PTPRN2: variants seen among roughly 807,000 people sequenced by gnomAD.
The protein encoded by PTPRN2 is receptor-type tyrosine-protein phosphatase N2.
Under a neutral mutation model 118.8 loss-of-function variants are expected in PTPRN2, and 74 were observed. The ratio of observed to expected loss-of-function variants is 0.62; its 90% CI spans 0.52 to 0.76. PTPRN2 has a LOEUF of 0.76. Ranked by LOEUF, PTPRN2 falls within the 30% of genes least tolerant of loss-of-function variation. The probability of loss-of-function intolerance (pLI) is 0.00; values close to 1 mark genes in which losing one functional copy is unlikely to be tolerated. For missense variants in PTPRN2, 1,481 were observed against 1,394.4 expected, an observed-to-expected ratio of 1.06 and a Z score of -0.99; for synonymous variants, 641 against 608.0, an observed-to-expected ratio of 1.05 and a Z score of -0.80.
chr7:157,771,624 C>T (rs1031675570), intron 12 of PTPRN2, among the ~76,000 whole-genome samples: 2 of 152,186 alleles, frequency 1.3e-5, no homozygotes, highest in African/African-American at 2.4e-5. Flanking sequence ...AATGTGCTGG[C>T]AAAGCAGTGC....
At chr7:158,214,516 C>T (rs577476448) in intron 3 of PTPRN2, among the ~76,000 whole-genome samples, 6 of 152,020 alleles carry the variant, frequency 3.9e-5, no homozygotes, top group South Asian at 2.1e-4. Context: ...AACAGCTCTA[C>T]CCCAGCAAAA....
At chr7:158,218,763 A>G (rs1480127384) in intron 3 of PTPRN2, among the ~76,000 whole-genome samples, 2 of 152,210 alleles carry the variant, frequency 1.3e-5, no homozygotes, top group African/African-American at 4.8e-5. Flanking sequence ...GTGGAAAACA[A>G]CAAAGAGCAG....
chr7:157,724,291 CTG>C (rs1254613034), intron 12 of PTPRN2, among the ~76,000 whole-genome samples: 6 of 152,226 alleles, frequency 3.9e-5, no homozygotes, highest in Admixed American at 1.3e-4. Context: ...CAGCCTGAAA[CTG>C]TTCATTTTCT....
intron 10 of PTPRN2, among the ~76,000 whole-genome samples, chr7:158,110,255 A>G (rs1408468610): frequency 6.6e-6 from 1 of 152,214 alleles, no homozygotes; most frequent in Non-Finnish European, 1.5e-5. Flanking sequence ...ATATGCACGC[A>G]TGGTTCCTCA....
At chr7:158,548,444 C>T (rs1237005363) in intron 1 of PTPRN2, among the ~76,000 whole-genome samples, 1 of 152,194 alleles carries the variant, frequency 6.6e-6, no homozygotes, top group Non-Finnish European at 1.5e-5. Context: ...CACAAGGGTG[C>T]ACATGGGCTC....
intron 12 of PTPRN2, among the ~76,000 whole-genome samples, chr7:157,830,964 T>C (rs1807525303): frequency 6.6e-6 from 1 of 152,198 alleles, no homozygotes; most frequent in Non-Finnish European, 1.5e-5. Context: ...AGTTTTGTGA[T>C]GTCTGCAGCA....
chr7:157,678,747 G>C (rs538655802), intron 13 of PTPRN2, among the ~76,000 whole-genome samples: 52 of 152,210 alleles, frequency 3.4e-4, no homozygotes, highest in Admixed American at 9.2e-4. Flanking sequence ...AAACCTGCTG[G>C]GTATTGTGAA....
intron 10 of PTPRN2, among the ~76,000 whole-genome samples, chr7:158,108,299 C>G (rs189542075): frequency 2.0e-5 from 3 of 152,032 alleles, no homozygotes; most frequent in Admixed American, 1.3e-4. Context: ...CCACCACACC[C>G]GCCTTGCACC....
chr7:158,054,025 T>TGCAGAGATCCTAGAGATGGAGAGACC (rs1809577763), intron 11 of PTPRN2, among the ~76,000 whole-genome samples: 2 of 89,214 alleles, frequency 2.2e-5, no homozygotes, highest in African/African-American at 1.2e-4. Context: ...ACGCAGAGAC[T>TGCAGAGATCCTAGAGATGGAGAGACC]CCAGAGATGC....
intron 12 of PTPRN2, among the ~76,000 whole-genome samples, chr7:157,819,827 C>T (rs947746992): frequency 1.3e-5 from 2 of 151,178 alleles, no homozygotes; most frequent in African/African-American, 4.9e-5. Context: ...CTCACACATG[C>T]GATCACACTG....
intron 3 of PTPRN2, among the ~76,000 whole-genome samples, chr7:158,312,770 T>G (rs915729675): frequency 1.5e-4 from 18 of 122,510 alleles, no homozygotes; most frequent in Non-Finnish European, 1.8e-4. Flanking sequence ...CATGTGTAGA[T>G]ACCCACACAC....
At chr7:158,430,365 C>T (rs540685344) in intron 2 of PTPRN2, among the ~76,000 whole-genome samples, 3 of 152,342 alleles carry the variant, frequency 2.0e-5, no homozygotes, top group Middle Eastern at 3.4e-3. Flanking sequence ...GGCCTGTAGA[C>T]CCGGAAGTCG....
intron 1 of PTPRN2, among the ~76,000 whole-genome samples, chr7:158,523,642 G>A (rs951696106): frequency 3.4e-4 from 41 of 122,088 alleles, no homozygotes; most frequent in Middle Eastern, 5.3e-3. Context: ...GCCCTGGAGC[G>A]GAGTCTGCCC....
chr7:158,455,817 A>G (rs1384870352), intron 2 of PTPRN2, among the ~76,000 whole-genome samples: 1 of 149,552 alleles, frequency 6.7e-6, no homozygotes, highest in Non-Finnish European at 1.5e-5. Context: ...AACGGCACAG[A>G]TGCCATCGGC....
In PTPRN2 at chr7:158,484,713, G is replaced by A. The variant is rs377457397; in HGVS notation, c.163+5022C>T. Among the ~76,000 whole-genome samples, 66 of 152,234 alleles carry A rather than the reference G, an allele frequency of 4.3e-4. 3 individuals carry two copies. The South Asian group carries it at 4.8e-3, about 11-fold the overall frequency. On this transcript the variant is annotated intron_variant, in intron 2 of 22. Transcript: ENST00000389418. ...ATGTCCCCCGTGACTTTTGTGACTC[G>A]GTTTCTTCCTCTGAGCACGGCGATT...
In PTPRN2 at chr7:158,205,408, C is replaced by T. The variant is rs1362048764; in HGVS notation, c.278-135G>A. 2.0e-5 allele frequency: 13 copies of T among 640,830 alleles called. No individual in the cohort carries two copies. The East Asian group carries it at 3.6e-4, about 18-fold the overall frequency. 39.7% of individuals were successfully genotyped at this position (640,830 alleles called of 1,614,324 possible). ...AGCAAAGTAAGCCTCCCTCTCACTG[C>T]AGTTTATCAAGATCTCCTTACAGAA... On this transcript the variant is annotated intron_variant, in intron 3 of 22. Transcript: ENST00000389418.
chr7:158,160,808 T>C lies in PTPRN2; in HGVS notation c.910+6123A>G, dbSNP rs540588776. Among the ~76,000 whole-genome samples the C allele has an allele frequency of 1.4e-4, 22 of 152,356 alleles. No individual in the cohort carries two copies. In the South Asian group the frequency reaches 4.6e-3, roughly 32 times the overall value. On this transcript the variant is annotated intron_variant, in intron 6 of 22. Transcript: ENST00000389418. The stretch of plus-strand genomic sequence containing the variant: ...CATAAGTGTGATGCCCATGCAACTG[T>C]CGTCAAGATATCTGAGGGCTTATGT...
chr7:158,515,767 G>A (rs892511663), intron 1 of PTPRN2, among the ~76,000 whole-genome samples: 2 of 151,956 alleles, frequency 1.3e-5, no homozygotes, highest in Middle Eastern at 3.4e-3. Flanking sequence ...TTTCACCCAC[G>A]TGCCACTGAA....
chr7:157,859,919 C>T (rs1266586929), intron 12 of PTPRN2, among the ~76,000 whole-genome samples: 110 of 138,722 alleles, frequency 7.9e-4, no homozygotes, highest in African/African-American at 2.7e-3. Context: ...GCCTCCCAGC[C>T]ACCACCCACA....
Sources: gnomAD v4.1 joint callset for allele counts (sites outside exome capture counted in the v4.1 genomes callset) on GRCh38, gnomAD v4.1.1 for gene constraint, MANE v1.5 for transcripts, NCBI Gene and HGNC (gene_info 2026-07-23, HGNC 2026-07-21) for gene names.